PHACTR3: variants seen among roughly 807,000 people sequenced by gnomAD.
PHACTR3 encodes the protein protein phosphatase 1, regulatory subunit 123.
A neutral mutation model predicts 66.8 loss-of-function variants in PHACTR3; 16 were observed. The ratio of observed to expected loss-of-function variants is 0.24; its 90% CI spans 0.16 to 0.36. The LOEUF (loss-of-function observed/expected upper bound fraction) is 0.36. Among genes scored for constraint, PHACTR3 ranks in the 10% least tolerant of loss-of-function variants. PHACTR3 has a pLI of 1.00. For synonymous variants in PHACTR3, 323 were observed against 292.1 expected (o/e 1.11, Z -1.08); for missense variants, 647 against 719.9 (o/e 0.90, Z 1.16).
At chr20:59,670,990 G>A (rs553641818) in intron 1 of PHACTR3, among the ~76,000 whole-genome samples, 5 of 152,136 alleles carry the variant, frequency 3.3e-5, no homozygotes, top group African/African-American at 1.2e-4. Context: ...GCTCATGTGC[G>A]CATGCTTTCT....
intron 1 of PHACTR3, among the ~76,000 whole-genome samples, chr20:59,704,137 G>C (rs1008411862): frequency 6.6e-6 from 1 of 152,114 alleles, no homozygotes; most frequent in Non-Finnish European, 1.5e-5. Context: ...AGAGAGAAGG[G>C]AACAAGTGGC....
intron 8 of PHACTR3, among the ~76,000 whole-genome samples, chr20:59,825,234 G>A (rs954145403): frequency 1.3e-4 from 20 of 152,218 alleles, no homozygotes; most frequent in African/African-American, 4.6e-4. Flanking sequence ...CTGTGCAAGC[G>A]TGGGACTGTG....
chr20:59,601,731 ATTT>A (rs1274454984), upstream of PHACTR3, among the ~76,000 whole-genome samples: 1 of 152,200 alleles, frequency 6.6e-6, no homozygotes, highest in Non-Finnish European at 1.5e-5. Flanking sequence ...ATTTAAAACT[ATTT>A]TTAGTATGGA....
chr20:59,793,799 T>A (rs2041172702), intron 7 of PHACTR3, among the ~76,000 whole-genome samples: 1 of 152,014 alleles, frequency 6.6e-6, no homozygotes, highest in African/African-American at 2.4e-5. Flanking sequence ...CTAGGACTTC[T>A]AGTATTTTGT....
At chr20:59,811,259 G>A (rs146748747) in intron 8 of PHACTR3, among the ~76,000 whole-genome samples, 223 of 152,310 alleles carry the variant, frequency 1.5e-3, no homozygotes, top group African/African-American at 5.2e-3. Flanking sequence ...CTTAGGCATG[G>A]CTTTGAATTT....
At chr20:59,840,081 T>C (rs1219991951) in intron 9 of PHACTR3, among the ~76,000 whole-genome samples, 1 of 152,220 alleles carries the variant, frequency 6.6e-6, no homozygotes, top group East Asian at 1.9e-4. Flanking sequence ...TCTACTTCCT[T>C]AAACAAACAG....
chr20:59,662,151 G>A (rs996696444), intron 1 of PHACTR3, among the ~76,000 whole-genome samples: 3 of 152,142 alleles, frequency 2.0e-5, no homozygotes, highest in Non-Finnish European at 2.9e-5. Flanking sequence ...ACCGCACAGG[G>A]CACTAGGATT....
chr20:59,821,017 C>T (rs2042016428), intron 8 of PHACTR3, among the ~76,000 whole-genome samples: 1 of 152,148 alleles, frequency 6.6e-6, no homozygotes, highest in African/African-American at 2.4e-5. Flanking sequence ...GAGTAGTAGT[C>T]ATGGTAATAA....
chr20:59,821,757 A>G (rs927391286), intron 8 of PHACTR3, among the ~76,000 whole-genome samples: 3 of 152,136 alleles, frequency 2.0e-5, no homozygotes, highest in African/African-American at 7.2e-5. Flanking sequence ...TGATTTCTGG[A>G]GCAGCCTGGT....
chr20:59,628,518 A>G, intron 1 of PHACTR3: 1 of 556,738 alleles, frequency 1.8e-6, no homozygotes, highest in Non-Finnish European at 2.3e-6. Flanking sequence ...GCAGCCGTGC[A>G]TGGGGCCACG....
At chr20:59,762,991 C>A (rs2040047663) in intron 4 of PHACTR3, among the ~76,000 whole-genome samples, 1 of 152,142 alleles carries the variant, frequency 6.6e-6, no homozygotes, top group South Asian at 2.1e-4. Context: ...GAACACTGAA[C>A]CTGGTGAAAG....
Position 59,738,618 on chromosome 20 carries a change from C to A in PHACTR3, c.119-4489C>A, listed in dbSNP as rs568223213. Among the ~76,000 whole-genome samples the A allele has an allele frequency of 2.6e-5, 4 of 152,182 alleles. No homozygotes were observed. The highest frequency in any genetic ancestry group is 9.6e-5 in the African/African-American group (4 of 41,548). On this transcript the variant is annotated intron_variant, in intron 1 of 12. Coordinates refer to ENST00000371015, the MANE Select transcript of PHACTR3 (RefSeq NM_080672.5). This position sits in a 1 kb window ranked among gnomAD's most constrained non-coding sequence, Gnocchi z 4.4. ...TAGGAAGCTCAGGGCACACAAATAC[C>A]CTCCTCTGGAGCCCGTGTGGTGTCT...
Position 59,671,836 on chromosome 20 carries a change from C to T in PHACTR3, c.118+66704C>T, listed in dbSNP as rs6100544. ...CTGCCTTCTCCAGTTAGGCCAAGTC[C>T]TTGACTACCCACGTGGAGAATCCAC... On this transcript the variant is annotated intron_variant, in intron 1 of 12. Transcript: ENST00000371015. Among the ~76,000 whole-genome samples the T allele has an allele frequency of 0.015, 2,294 of 152,352 alleles. 86 individuals carry two copies. In the East Asian group the frequency reaches 0.16, roughly 10 times the overall value.
rs1027634318 is a variant in PHACTR3, at chr20:59,763,450, T to C, written c.542-3736T>C. On this transcript the variant is annotated intron_variant, in intron 4 of 12. Coordinates refer to ENST00000371015, the MANE Select transcript of PHACTR3 (RefSeq NM_080672.5). ...CTTCTAGAATAGTGCCTGGAACCCA[T>C]GGTTGTTCAATAACATTTGCAAGAT... is the stretch of plus-strand genomic sequence containing the variant. 3.3e-5 allele frequency among the ~76,000 whole-genome samples: 5 copies of C among 152,282 alleles called. No homozygotes were observed. In the East Asian group the frequency reaches 9.6e-4, roughly 29 times the overall value.
At chr20:59,602,993 A>G (rs2033523534), upstream of PHACTR3, among the ~76,000 whole-genome samples, 1 of 152,246 alleles carries the variant, frequency 6.6e-6, no homozygotes. Flanking sequence ...TGGAGACCAC[A>G]GTAGCTCTCA....
chr20:59,787,920 C>A (rs1453745289), intron 7 of PHACTR3, among the ~76,000 whole-genome samples: 1 of 152,152 alleles, frequency 6.6e-6, no homozygotes, highest in Non-Finnish European at 1.5e-5. Context: ...CATGCAACAC[C>A]AGCTCCCATC....
intron 1 of PHACTR3, among the ~76,000 whole-genome samples, chr20:59,610,775 T>G (rs1470912794): frequency 6.6e-6 from 1 of 152,144 alleles, no homozygotes; most frequent in African/African-American, 2.4e-5. Context: ...GTGTCACCAG[T>G]GCTAGCACTG....
intron 1 of PHACTR3, among the ~76,000 whole-genome samples, chr20:59,661,104 A>G (rs1568684533): frequency 6.6e-6 from 1 of 152,178 alleles, no homozygotes; most frequent in Non-Finnish European, 1.5e-5. Context: ...AGATCCTCCT[A>G]TTACCTTCCA....
intron 7 of PHACTR3, among the ~76,000 whole-genome samples, chr20:59,781,982 C>A (rs1263363952): frequency 6.6e-6 from 1 of 152,172 alleles, no homozygotes; most frequent in African/African-American, 2.4e-5. Context: ...AAGACACACC[C>A]TTGCTATGTA....
Sources: gnomAD v4.1 joint callset for allele counts (sites outside exome capture counted in the v4.1 genomes callset) on GRCh38, gnomAD v4.1.1 for gene constraint, Gnocchi (gnomAD v3.1) non-coding constraint, MANE v1.5 for transcripts, NCBI Gene and HGNC (gene_info 2026-07-23, HGNC 2026-07-21) for gene names.